ME3: variants seen among roughly 807,000 people sequenced by gnomAD.
ME3 encodes the protein NADP-dependent malic enzyme, mitochondrial.
Under a neutral mutation model 68.9 loss-of-function variants are expected in ME3, and 48 were observed. The ratio of observed to expected loss-of-function variants is 0.70; its 90% CI spans 0.55 to 0.89. The LOEUF (loss-of-function observed/expected upper bound fraction) is 0.89. Among genes scored for constraint, ME3 ranks in the 40% least tolerant of loss-of-function variants. The probability of loss-of-function intolerance (pLI) is 0.00; values close to 1 mark genes in which losing one functional copy is unlikely to be tolerated. For synonymous variants in ME3, 320 were observed against 318.8 expected, an observed-to-expected ratio of 1.00 and a Z score of -0.04; for missense variants, 675 against 797.4, an observed-to-expected ratio of 0.85 and a Z score of 1.85.
intron 2 of ME3, among the ~76,000 whole-genome samples, chr11:86,585,455 TGAGA>T (rs977703775): frequency 2.0e-5 from 3 of 151,512 alleles, no homozygotes; most frequent in Admixed American, 6.6e-5. Context: ...GGGGGTTGAG[TGAGA>T]GAGAGGGGTC....
chr11:86,449,981 G>A, exon 10 of ME3: 1 of 1,613,760 alleles, frequency 6.2e-7, no homozygotes, highest in Non-Finnish European at 8.5e-7. Context: ...ATGACAAGGA[G>A]GTGGGCAATG....
intron 4 of ME3, among the ~76,000 whole-genome samples, chr11:86,532,822 G>T (rs1565912709): frequency 1.3e-5 from 2 of 152,224 alleles, no homozygotes; most frequent in Non-Finnish European, 2.9e-5. Context: ...CATTTTGGGA[G>T]ACCAAGGTGG....
chr11:86,522,883 T>C lies in ME3; in HGVS notation c.468-14016A>G, dbSNP rs571200524. Among the ~76,000 whole-genome samples the C allele has an allele frequency of 3.2e-4, 49 of 152,342 alleles. No homozygotes were observed. The Middle Eastern group carries it at 0.034, about 106-fold the overall frequency. On this transcript the variant is annotated intron_variant, in intron 4 of 14. Coordinates refer to ENST00000543262, the Ensembl canonical transcript of ME3. ...AATCTAGAGATGATTTAAAGTATATTGTAGGATATGTATGTTATATGCAAA... is the reference window on the plus strand; with the variant it reads ...AATCTAGAGATGATTTAAAGTATATCGTAGGATATGTATGTTATATGCAAA...
intron 3 of ME3, among the ~76,000 whole-genome samples, chr11:86,557,724 G>A (rs1021853893): frequency 6.6e-6 from 1 of 152,086 alleles, no homozygotes; most frequent in African/African-American, 2.4e-5. Context: ...CTCAGGAAGA[G>A]CAAGGATCTC....
chr11:86,651,464 G>A (rs1337077266), intron 2 of ME3, among the ~76,000 whole-genome samples: 1 of 152,230 alleles, frequency 6.6e-6, no homozygotes, highest in Non-Finnish European at 1.5e-5. Flanking sequence ...AGCCTCTGCT[G>A]CTGATACCCA....
intron 2 of ME3, among the ~76,000 whole-genome samples, chr11:86,629,757 T>C (rs964828913): frequency 5.3e-5 from 8 of 152,202 alleles, no homozygotes; most frequent in Non-Finnish European, 1.2e-4. Context: ...GCCATTCTTA[T>C]CTAATGAGGC....
intron 5 of ME3, among the ~76,000 whole-genome samples, chr11:86,500,819 A>T (rs1952674533): frequency 6.6e-6 from 1 of 152,080 alleles, no homozygotes; most frequent in Non-Finnish European, 1.5e-5. Flanking sequence ...ATTCGTCAGC[A>T]GCATAAATCC....
At chr11:86,515,053 A>G (rs999768112) in intron 4 of ME3, among the ~76,000 whole-genome samples, 1 of 152,222 alleles carries the variant, frequency 6.6e-6, no homozygotes, top group Non-Finnish European at 1.5e-5. Flanking sequence ...TGTGTTACTG[A>G]AATAAGAAGA....
At position 86,669,540 on chromosome 11, in the gene ME3, T is replaced by C. The variant is rs183642369; in HGVS notation, c.183+2222A>G. On this transcript the variant is annotated intron_variant, in intron 2 of 14. Transcript: ENST00000543262. ...AGAATGAGCGCTAGCAGGGGAAATGTGTCAGGCACTTATAAAACCATCAGG... is the reference window on the plus strand; with the variant it reads ...AGAATGAGCGCTAGCAGGGGAAATGCGTCAGGCACTTATAAAACCATCAGG... 1.1e-3 allele frequency among the ~76,000 whole-genome samples: 171 copies of C among 152,272 alleles called. 1 individual carries two copies. The highest frequency in any genetic ancestry group is 3.6e-3 in the African/African-American group (148 of 41,560).
intron 4 of ME3, among the ~76,000 whole-genome samples, chr11:86,534,978 C>T (rs910758889): frequency 1.3e-5 from 2 of 152,066 alleles, no homozygotes; most frequent in Non-Finnish European, 2.9e-5. Flanking sequence ...GGCAAGAGAG[C>T]TGGAGTCTAA....
At chr11:86,591,614 A>T (rs1959064716) in intron 2 of ME3, among the ~76,000 whole-genome samples, 1 of 152,206 alleles carries the variant, frequency 6.6e-6, no homozygotes, top group Non-Finnish European at 1.5e-5. Flanking sequence ...TAATAAAGAT[A>T]TACCCAAGAC....
chr11:86,660,766 T>C (rs1946222341), intron 2 of ME3, among the ~76,000 whole-genome samples: 2 of 152,176 alleles, frequency 1.3e-5, no homozygotes, highest in African/African-American at 4.8e-5. Context: ...GGATGAGAAT[T>C]GATAATCTCA....
intron 2 of ME3, among the ~76,000 whole-genome samples, chr11:86,649,939 C>T (rs1293196092): frequency 6.6e-6 from 1 of 152,138 alleles, no homozygotes; most frequent in East Asian, 1.9e-4. Flanking sequence ...ACTATCTTCA[C>T]AGAATTAGGA....
rs563738961 is a variant in ME3 at position 86,617,045 on chromosome 11, G to GTTTTTTTTTTTTTTTTTTTTT, written c.183+54696_183+54716dup. On this transcript the variant is annotated intron_variant, in intron 2 of 14. Transcript: ENST00000543262. ...ACATCTAAAATACTCCAAGATAGTA[G>GTTTTTTTTTTTTTTTTTTTTT]TTTTTTTTTTTTTTTTTTTTTTTTT... 1.4e-4 allele frequency among the ~76,000 whole-genome samples: 8 copies of GTTTTTTTTTTTTTTTTTTTTT among 56,300 alleles called. 3 individuals are homozygous for GTTTTTTTTTTTTTTTTTTTTT. Among genetic ancestry groups the GTTTTTTTTTTTTTTTTTTTTT allele is most frequent in the Non-Finnish European group, 2.5e-4 (8 of 32,064 alleles). 36.9% of individuals were successfully genotyped at this position (56,300 alleles called of 152,430 possible). A position where few individuals can be genotyped will look rare whatever the true frequency, so the allele number is the denominator to read the frequency against.
At chr11:86,488,657 C>T (rs766120650) in intron 6 of ME3, among the ~76,000 whole-genome samples, 1 of 152,184 alleles carries the variant, frequency 6.6e-6, no homozygotes, top group African/African-American at 2.4e-5. Context: ...CTTTCCACGT[C>T]TTCCATTCCT....
At chr11:86,556,841 G>T in intron 3 of ME3, 139 bp from the exon 4 acceptor site, 1 of 813,596 alleles carries the variant, frequency 1.2e-6, no homozygotes, top group East Asian at 2.6e-5. Context: ...CCCTGAGCAT[G>T]AGCTTCAACA....
chr11:86,492,852 G>C (rs994639169), intron 6 of ME3, among the ~76,000 whole-genome samples: 4 of 152,188 alleles, frequency 2.6e-5, no homozygotes, highest in Non-Finnish European at 5.9e-5. Flanking sequence ...TAAACCTCCT[G>C]GTTGAAAAAA....
chr11:86,497,037 A>C (rs1182271885), intron 6 of ME3, among the ~76,000 whole-genome samples: 1 of 152,124 alleles, frequency 6.6e-6, no homozygotes, highest in Non-Finnish European at 1.5e-5. Context: ...GCTGGAGTGC[A>C]GTGGTGTGAT....
intron 4 of ME3, among the ~76,000 whole-genome samples, chr11:86,527,295 TGAGAA>T (rs563064792): frequency 2.5e-4 from 38 of 151,944 alleles, no homozygotes; most frequent in Non-Finnish European, 4.6e-4. Flanking sequence ...TGAAATGAAG[TGAGAA>T]GAGAAGTTTA....
Sources: gnomAD v4.1 joint callset for allele counts (sites outside exome capture counted in the v4.1 genomes callset) on GRCh38, gnomAD v4.1.1 for gene constraint, MANE v1.5 for transcripts, NCBI Gene and HGNC (gene_info 2026-07-23, HGNC 2026-07-21) for gene names.